Variants in MAF observed in about 807,000 individuals in gnomAD.
MAF encodes MAF bZIP transcription factor.
MAF carries 10 observed loss-of-function variants against 22.0 expected under a neutral mutation model. The ratio of observed to expected loss-of-function variants is 0.45; its 90% CI spans 0.28 to 0.77. The LOEUF (loss-of-function observed/expected upper bound fraction) is 0.77, where lower values mean the gene tolerates loss of function less well. Among genes scored for constraint, MAF ranks in the 30% least tolerant of loss-of-function variants. MAF has a pLI of 0.12. For synonymous variants in MAF, 337 were observed against 255.8 expected (o/e 1.32, Z -3.03); for missense variants, 544 against 548.4 (o/e 0.99, Z 0.08).
At chr16:79,537,559 A>C in the MAF span, among the ~76,000 whole-genome samples, 15 of 152,208 alleles carry the variant, frequency 9.9e-5, no homozygotes. Context: ...ACCTGGCTAT[A>C]GGAGGATGTT....
chr16:79,387,537 T>A, the MAF span, among the ~76,000 whole-genome samples: 2 of 152,118 alleles, frequency 1.3e-5, no homozygotes, highest in African/African-American at 2.4e-5. Context: ...TCAATGCTTG[T>A]TGGGTAAGGC....
At chr16:79,501,326 C>G in the MAF span, among the ~76,000 whole-genome samples, 1 of 152,206 alleles carries the variant, frequency 6.6e-6, no homozygotes, top group East Asian at 1.9e-4. Flanking sequence ...GATTTAGGAT[C>G]CTCCCTAATC....
chr16:79,317,274 C>G, the MAF span, among the ~76,000 whole-genome samples: 1 of 136,256 alleles, frequency 7.3e-6, no homozygotes, highest in East Asian at 2.3e-4. Flanking sequence ...CCTTCCCTCC[C>G]TCCTTCCTTC....
At chr16:79,312,430 T>C in the MAF span, among the ~76,000 whole-genome samples, 1 of 152,118 alleles carries the variant, frequency 6.6e-6, no homozygotes, top group African/African-American at 2.4e-5. Context: ...CTGACCTCCA[T>C]ACATGCATTT....
the MAF span, among the ~76,000 whole-genome samples, chr16:79,522,755 C>G: frequency 6.6e-6 from 1 of 152,134 alleles, no homozygotes; most frequent in East Asian, 1.9e-4. Flanking sequence ...GGCTTGCTTG[C>G]TGGGGCTTTG....
chr16:79,548,036 G>T, the MAF span, among the ~76,000 whole-genome samples: 2 of 152,062 alleles, frequency 1.3e-5, no homozygotes, highest in Non-Finnish European at 2.9e-5. Context: ...AAAAAACTGA[G>T]ATCTGTTGTT....
At chr16:79,298,203 G>A in the MAF span, among the ~76,000 whole-genome samples, 2 of 152,208 alleles carry the variant, frequency 1.3e-5, no homozygotes, top group Admixed American at 6.5e-5. Flanking sequence ...TGCCCATGGG[G>A]ACTTGCGTCC....
At chr16:79,270,757 C>T in the MAF span, among the ~76,000 whole-genome samples, 1 of 152,126 alleles carries the variant, frequency 6.6e-6, no homozygotes, top group African/African-American at 2.4e-5. Context: ...GCGATCTCTT[C>T]CTGGTGTAAT....
the MAF span, among the ~76,000 whole-genome samples, chr16:79,289,362 AG>A: frequency 6.6e-6 from 1 of 152,102 alleles, no homozygotes; most frequent in Non-Finnish European, 1.5e-5. Context: ...GGTGGGTCTC[AG>A]GGAAGGCCTG....
chr16:79,466,955 G>C, the MAF span, among the ~76,000 whole-genome samples: 4 of 152,162 alleles, frequency 2.6e-5, no homozygotes, highest in African/African-American at 9.7e-5. Context: ...ACAGAATCTT[G>C]GAGCTTGAGG....
chr16:79,220,289 G>A, the MAF span, among the ~76,000 whole-genome samples: 2 of 139,812 alleles, frequency 1.4e-5, no homozygotes, highest in East Asian at 2.0e-4. Flanking sequence ...AAGTTAAAAT[G>A]CATGCCCAGC....
chr16:79,287,140 T>G, the MAF span, among the ~76,000 whole-genome samples: 1 of 146,646 alleles, frequency 6.8e-6, no homozygotes, highest in Non-Finnish European at 1.5e-5. Context: ...TTTTTTTCCT[T>G]CAGCAACAAC....
At chr16:79,564,548 G>A in the MAF span, among the ~76,000 whole-genome samples, 2 of 152,140 alleles carry the variant, frequency 1.3e-5, no homozygotes, top group East Asian at 1.9e-4. Flanking sequence ...TGAAGAAGCC[G>A]CACTGTTTAC....
chr16:79,534,771 C>A, the MAF span, among the ~76,000 whole-genome samples: 1 of 152,190 alleles, frequency 6.6e-6, no homozygotes, highest in East Asian at 1.9e-4. Flanking sequence ...AAAACTGTGA[C>A]CAGTTGTCAG....
At chr16:79,216,269 G>C in the MAF span, among the ~76,000 whole-genome samples, 1 of 152,144 alleles carries the variant, frequency 6.6e-6, no homozygotes, top group Non-Finnish European at 1.5e-5. Flanking sequence ...ACAAATATGT[G>C]TGCCATACAT....
At chr16:79,428,386 C>G in the MAF span, among the ~76,000 whole-genome samples, 105,741 of 152,084 alleles carry the variant, frequency 0.7, 37,600 homozygotes, top group East Asian at 1. Flanking sequence ...CTGACCCCCA[C>G]CTCAACACCC....
the MAF span, among the ~76,000 whole-genome samples, chr16:79,387,368 A>G: frequency 6.6e-6 from 1 of 152,330 alleles, no homozygotes; most frequent in East Asian, 1.9e-4. Context: ...ATCTATTTAT[A>G]TCCTTACTAG....
the MAF span, among the ~76,000 whole-genome samples, chr16:79,567,925 T>C: frequency 2.0e-5 from 3 of 152,258 alleles, no homozygotes; most frequent in Admixed American, 6.5e-5. Flanking sequence ...AAGCTTAATG[T>C]ACAAATCTTT....
the MAF span, among the ~76,000 whole-genome samples, chr16:79,282,417 T>C: frequency 6.6e-6 from 1 of 152,192 alleles, no homozygotes; most frequent in South Asian, 2.1e-4. Context: ...GCATCAGTGA[T>C]GTGGGCACTA....
Sources: gnomAD v4.1 joint callset for allele counts (sites outside exome capture counted in the v4.1 genomes callset) on GRCh38, gnomAD v4.1.1 for gene constraint, MANE v1.5 for transcripts, NCBI Gene and HGNC (gene_info 2026-07-23, HGNC 2026-07-21) for gene names.